Variants in NTRK2 observed in about 807,000 individuals in gnomAD.
NTRK2 encodes BDNF/NT-3 growth factors receptor.
In NTRK2, 13 loss-of-function variants were observed where a neutral mutation model predicts 94.5. The observed-to-expected ratio is 0.14, with a 90% confidence interval of 0.09 to 0.22. The LOEUF (loss-of-function observed/expected upper bound fraction) is 0.22. Among genes scored for constraint, NTRK2 ranks in the 10% least tolerant of loss-of-function variants. NTRK2 has a pLI of 1.00. For synonymous variants in NTRK2, 372 were observed against 407.4 expected, an observed-to-expected ratio of 0.91 and a Z score of 1.05; for missense variants, 639 against 1,071.2, an observed-to-expected ratio of 0.60 and a Z score of 5.63.
chr9:84,716,250 C>CA (rs746687533), intron 6 of NTRK2, among the ~76,000 whole-genome samples: 21 of 152,114 alleles, frequency 1.4e-4, no homozygotes, highest in Non-Finnish European at 2.8e-4. Context: ...TCCACTTTTC[C>CA]AACCTTCCAA....
chr9:84,815,007 A>G (rs199507144), intron 12 of NTRK2: 32 of 1,059,496 alleles, frequency 3.0e-5, no homozygotes, highest in Non-Finnish European at 3.7e-5. Flanking sequence ...TGGACAGACC[A>G]TGAATTGAAT....
intron 14 of NTRK2, among the ~76,000 whole-genome samples, chr9:84,899,333 AAC>A (rs2076856889): frequency 6.6e-6 from 1 of 152,252 alleles, no homozygotes; most frequent in African/African-American, 2.4e-5. Context: ...TTCAGGACAA[AAC>A]ATAGACAGGG....
chr9:84,698,821 G>A (rs2060546615), intron 2 of NTRK2, among the ~76,000 whole-genome samples: 2 of 152,060 alleles, frequency 1.3e-5, no homozygotes, highest in African/African-American at 4.8e-5. Context: ...CTTGGCCACC[G>A]AAGTTTTCCC....
rs540368850 is a variant in NTRK2, at chr9:84,770,282, G to A, written c.1396+18197G>A. ...CAGGTTTTGCTGATGAGTGGTGAAG[G>A]AGTATGAAAGGTCACCCTCTTGTCT... On this transcript the variant is annotated intron_variant, in intron 12 of 18. Transcript: ENST00000277120. 3.4e-4 allele frequency among the ~76,000 whole-genome samples: 52 copies of A among 152,202 alleles called. 1 individual carries two copies. The highest frequency in any genetic ancestry group is 1.2e-3 in the African/African-American group (51 of 41,526).
intron 17 of NTRK2, among the ~76,000 whole-genome samples, chr9:84,988,254 T>G (rs1828590121): frequency 6.6e-6 from 1 of 152,154 alleles, no homozygotes; most frequent in African/African-American, 2.4e-5. Context: ...TAGGCTGCCA[T>G]GGCTGGAGGG....
chr9:84,858,838 G>T (rs2075193236), intron 12 of NTRK2, among the ~76,000 whole-genome samples: 2 of 152,068 alleles, frequency 1.3e-5, no homozygotes, highest in Non-Finnish European at 2.9e-5. Context: ...TAATTTTGGT[G>T]ATTTTGGAGC....
chr9:84,890,903 A>G (rs2076575805), intron 14 of NTRK2, among the ~76,000 whole-genome samples: 1 of 152,240 alleles, frequency 6.6e-6, no homozygotes, highest in South Asian at 2.1e-4. Context: ...CTATAACTCT[A>G]AGGTGCTTTC....
intron 15 of NTRK2, among the ~76,000 whole-genome samples, chr9:84,943,816 A>C (rs1244694734): frequency 6.6e-6 from 1 of 152,198 alleles, no homozygotes; most frequent in Non-Finnish European, 1.5e-5. Flanking sequence ...AGGATTTTCC[A>C]GCTTCTGATT....
At chr9:84,802,428 A>G (rs2070602103) in intron 12 of NTRK2, among the ~76,000 whole-genome samples, 1 of 152,216 alleles carries the variant, frequency 6.6e-6, no homozygotes, top group African/African-American at 2.4e-5. Flanking sequence ...AGGAGAAGAG[A>G]GAATCCTTCA....
intron 11 of NTRK2, among the ~76,000 whole-genome samples, chr9:84,747,624 C>A (rs1285140843): frequency 6.6e-6 from 1 of 151,898 alleles, no homozygotes; most frequent in Non-Finnish European, 1.5e-5. Context: ...ACTACAGCCA[C>A]CTGCCAGCAT....
At chr9:84,864,367 G>C (rs1161376160) in intron 13 of NTRK2, among the ~76,000 whole-genome samples, 2 of 152,046 alleles carry the variant, frequency 1.3e-5, no homozygotes, top group African/African-American at 2.4e-5. Flanking sequence ...GGGTGGGAGG[G>C]GGGTGAGGGA....
At chr9:84,858,724 T>A (rs766023135) in intron 12 of NTRK2, among the ~76,000 whole-genome samples, 11 of 152,162 alleles carry the variant, frequency 7.2e-5, no homozygotes, top group Non-Finnish European at 1.6e-4. Flanking sequence ...CATTTCTCTT[T>A]GAAGACTGTT....
intron 12 of NTRK2, among the ~76,000 whole-genome samples, chr9:84,842,196 G>A (rs1448819166): frequency 4.6e-5 from 7 of 152,118 alleles, no homozygotes; most frequent in South Asian, 2.1e-4. Context: ...GGTATAGGAC[G>A]TACTTTGGGA....
rs1375918004 is a variant in NTRK2, at chr9:84,681,133, A to G, written c.212+10173A>G. 6.6e-5 allele frequency among the ~76,000 whole-genome samples: 10 copies of G among 152,182 alleles called. No homozygotes were observed. In the South Asian group the frequency reaches 8.3e-4, roughly 13 times the overall value. ...TTATGTTACCTTCTTTGTGCTAATG[A>G]TGTCCTAATCTGTTTCCCCATCAAT... On this transcript the variant is annotated intron_variant, in intron 2 of 18. Transcript: ENST00000277120.
Position 84,751,967 on chromosome 9 carries a change from C to G in NTRK2, c.1297-19C>G. 1.2e-6 allele frequency: 2 copies of G among 1,607,260 alleles called. No homozygotes were observed. The highest frequency in any genetic ancestry group is 1.7e-6 in the Non-Finnish European group (2 of 1,173,866). ...AACTAATTAGCAAGGTTATAACCAC[C>G]CTCCCTTCCTTTCTCTAGGTCTATG... On this transcript the variant is annotated intron_variant, in intron 11 of 18. Transcript: ENST00000277120.
At position 84,702,096 on chromosome 9, in the gene NTRK2, G is replaced by A. The variant is rs951012065; in HGVS notation, c.213-63G>A. 6.8e-6 allele frequency: 10 copies of A among 1,471,024 alleles called. No individual in the cohort carries two copies. In the African/African-American group the frequency reaches 1.4e-4, roughly 21 times the overall value. 91.1% of individuals were successfully genotyped at this position (1,471,024 alleles called of 1,614,324 possible). A position where few individuals can be genotyped will look rare whatever the true frequency, so the allele number is the denominator to read the frequency against. On this transcript the variant is annotated intron_variant, in intron 2 of 18. Transcript: ENST00000277120. ...GGACACCTGGGTGAGGTGGATGGGAGTTCTTCATGGTGCTGCTGCCTACAT... is the reference window on the plus strand; with the variant it reads ...GGACACCTGGGTGAGGTGGATGGGAATTCTTCATGGTGCTGCTGCCTACAT...
rs903676836 is a variant in NTRK2, at chr9:85,020,209, G to A, written c.2176G>A (p.Gly726Ser). Residue 726 changes from glycine to serine, a missense_variant, in exon 18 of 19, where the codon GGT becomes AGT. Coordinates refer to ENST00000277120, the MANE Select transcript of NTRK2 (RefSeq NM_006180.6). ...DVYSTDYYRV[G>S]GHTMLPIRWM... is the part of the protein sequence containing the mutation. ...CTGTTGATCCCTTTCTCCCCAGGTCGGTGGCCACACAATGCTGCCCATTCG... is the reference window on the plus strand; with the variant it reads ...CTGTTGATCCCTTTCTCCCCAGGTCAGTGGCCACACAATGCTGCCCATTCG... 3.7e-6 allele frequency: 6 copies of A among 1,613,912 alleles called. No individual in the cohort carries two copies. The highest frequency in any genetic ancestry group is 2.2e-5 in the East Asian group (1 of 44,884).
chr9:84,962,073 A>C (rs1266481660), intron 17 of NTRK2, among the ~76,000 whole-genome samples: 3 of 152,162 alleles, frequency 2.0e-5, no homozygotes, highest in African/African-American at 7.2e-5. Flanking sequence ...CATGCCAAAG[A>C]CTTTGGACTT....
chr9:84,804,653 A>G (rs1453937757), intron 12 of NTRK2, among the ~76,000 whole-genome samples: 2 of 152,216 alleles, frequency 1.3e-5, no homozygotes, highest in Non-Finnish European at 2.9e-5. Context: ...TGACGAAAAT[A>G]AATTGAGGCA....
Sources: allele counts gnomAD v4.1 joint callset (sites outside exome capture counted in the v4.1 genomes callset), GRCh38; gene constraint gnomAD v4.1.1; transcripts MANE v1.5; gene names NCBI Gene and HGNC (gene_info 2026-07-23, HGNC 2026-07-21).